Variants in KLHL32 observed in about 807,000 individuals in gnomAD.
The protein encoded by KLHL32 is kelch like family member 32.
Under a neutral mutation model 64.8 loss-of-function variants are expected in KLHL32, and 35 were observed. That is an observed-to-expected ratio of 0.54 (90% CI 0.41 to 0.72). The LOEUF is 0.72. KLHL32 is among the 30% of genes least tolerant of loss of function. The pLI is 0.00. For missense variants in KLHL32, 589 were observed against 768.5 expected (o/e 0.77, Z 2.76); for synonymous variants, 259 against 281.0 (o/e 0.92, Z 0.78).
At position 97,062,020 on chromosome 6, in the gene KLHL32, C is replaced by A. The variant is rs1329589639; in HGVS notation, c.313-2608C>A. Among the ~76,000 whole-genome samples, 181 of 152,066 alleles carry A rather than the reference C, an allele frequency of 1.2e-3. 2 individuals carry two copies. Among genetic ancestry groups the A allele is most frequent in the Non-Finnish European group, 1.0e-4 (7 of 67,990 alleles). The stretch of plus-strand genomic sequence containing the variant: ...TAAGAGCACTTAGAGATTTTCTGTG[C>A]TAAAGCATATTTTAGAAAAACTTAT... On this transcript the variant is annotated intron_variant, in intron 4 of 10. Transcript: ENST00000369261.
At chr6:97,114,604 A>G (rs1202170702) in intron 7 of KLHL32, 95 bp downstream of exon 7, 1 of 1,458,960 alleles carries the variant, frequency 6.9e-7, no homozygotes, top group African/African-American at 1.4e-5. Flanking sequence ...TGTGTAATTG[A>G]AAGATTGAAC....
intron 3 of KLHL32, among the ~76,000 whole-genome samples, chr6:97,038,013 A>T (rs970536194): frequency 1.3e-5 from 2 of 152,208 alleles, no homozygotes; most frequent in Non-Finnish European, 1.5e-5. Context: ...CATACACAAA[A>T]ATCAGATCCA....
intron 1 of KLHL32, among the ~76,000 whole-genome samples, chr6:96,940,640 A>G (rs5025221): frequency 0.22 from 33,502 of 152,134 alleles, 3,856 homozygotes; most frequent in Admixed American, 0.27. Context: ...AGCAGCCCCA[A>G]GAAGGCAGAG....
intron 5 of KLHL32, among the ~76,000 whole-genome samples, chr6:97,078,877 A>G (rs1251042379): frequency 1.3e-5 from 2 of 152,208 alleles, no homozygotes; most frequent in Non-Finnish European, 2.9e-5. Flanking sequence ...GCATGATTAA[A>G]CTGCAGTGTG....
chr6:96,908,967 C>A, the KLHL32 span, among the ~76,000 whole-genome samples: 4 of 152,084 alleles, frequency 2.6e-5, no homozygotes, highest in African/African-American at 9.7e-5. Context: ...ATGAACACTG[C>A]AGCAAAAAAG....
intron 4 of KLHL32, among the ~76,000 whole-genome samples, chr6:97,056,091 T>C (rs940176027): frequency 5.3e-5 from 7 of 131,586 alleles, no homozygotes; most frequent in Admixed American, 3.2e-4. Flanking sequence ...CTTTTCTTTT[T>C]TTTTCTTTTT....
At chr6:97,053,106 A>G (rs538791317) in intron 4 of KLHL32, among the ~76,000 whole-genome samples, 57 of 151,338 alleles carry the variant, frequency 3.8e-4, no homozygotes, top group African/African-American at 1.2e-3. Flanking sequence ...ACACACACGC[A>G]CACACATTCT....
intron 1 of KLHL32, among the ~76,000 whole-genome samples, chr6:96,951,432 C>A (rs1772576965): frequency 6.6e-6 from 1 of 152,094 alleles, no homozygotes; most frequent in Non-Finnish European, 1.5e-5. Context: ...TATGTTGTTT[C>A]TAGGTCTATT....
At chr6:97,031,847 T>C (rs1210510782) in intron 3 of KLHL32, among the ~76,000 whole-genome samples, 1 of 152,176 alleles carries the variant, frequency 6.6e-6, no homozygotes, top group Non-Finnish European at 1.5e-5. Flanking sequence ...TAGTCAGCAG[T>C]TGAGTGGAGG....
At chr6:96,967,394 A>C (rs961716502) in intron 2 of KLHL32, among the ~76,000 whole-genome samples, 1 of 152,102 alleles carries the variant, frequency 6.6e-6, no homozygotes, top group Admixed American at 6.6e-5. Flanking sequence ...TAAAAAAGGA[A>C]TCAAAAAACT....
chr6:97,140,404 G>C lies in KLHL32; in HGVS notation c.*1122G>C, dbSNP rs1800555504. 6.6e-6 allele frequency: 1 copy of C among 152,036 alleles called. No individual in the cohort carries two copies. Among genetic ancestry groups the C allele is most frequent in the African/African-American group, 2.4e-5 (1 of 41,428 alleles). The allele number at this position is 152,036 out of a possible 1,614,324, so 9.4% of individuals were successfully genotyped here. ...TTGTTAAAGGTTATGTCAATCTTGA[G>C]TGCTTGTGGAATTCTTCACCACCAA... On this transcript the variant is annotated 3_prime_UTR_variant, in exon 11 of 11. Transcript: ENST00000369261.
chr6:96,930,752 T>A (rs988971465), intron 1 of KLHL32, among the ~76,000 whole-genome samples: 1 of 152,124 alleles, frequency 6.6e-6, no homozygotes, highest in African/African-American at 2.4e-5. Flanking sequence ...TAGCTTGGAC[T>A]CAATGATGTC....
intron 10 of KLHL32, among the ~76,000 whole-genome samples, chr6:97,135,254 C>T (rs570754676): frequency 1.0e-3 from 158 of 151,062 alleles, no homozygotes; most frequent in African/African-American, 3.6e-3. Flanking sequence ...GCGTTTATTC[C>T]TTTGGCTGGC....
At chr6:97,077,710 C>A (rs1362842903) in intron 5 of KLHL32, among the ~76,000 whole-genome samples, 2 of 152,178 alleles carry the variant, frequency 1.3e-5, no homozygotes, top group African/African-American at 4.8e-5. Context: ...TTTTGCCCAA[C>A]TGTTAAGTTG....
At chr6:96,990,388 G>A (rs1341785409) in intron 3 of KLHL32, among the ~76,000 whole-genome samples, 1 of 152,162 alleles carries the variant, frequency 6.6e-6, no homozygotes, top group Non-Finnish European at 1.5e-5. Flanking sequence ...AGTTTGGGCT[G>A]TGATCCAGTA....
intron 4 of KLHL32, among the ~76,000 whole-genome samples, chr6:97,050,262 T>C (rs1428102494): frequency 6.6e-6 from 1 of 152,170 alleles, no homozygotes; most frequent in Non-Finnish European, 1.5e-5. Flanking sequence ...TTGGCAGAAA[T>C]AGAATGCGCA....
chr6:97,123,857 CAGGAATACTGCTGCAGGCA>C (rs1798618873), intron 7 of KLHL32, among the ~76,000 whole-genome samples: 1 of 152,166 alleles, frequency 6.6e-6, no homozygotes, highest in Non-Finnish European at 1.5e-5. Context: ...CTTTCAAAGC[CAGGAATACTGCTGCAGGCA>C]AGGGTACTCC....
intron 3 of KLHL32, among the ~76,000 whole-genome samples, chr6:96,980,504 AT>A (rs2128048827): frequency 6.6e-6 from 1 of 152,322 alleles, no homozygotes; most frequent in South Asian, 2.1e-4. Flanking sequence ...TATTTCAAGT[AT>A]AAAGCCTACT....
chr6:96,912,610 T>TATTTTATCCA, the KLHL32 span, among the ~76,000 whole-genome samples: 1 of 152,178 alleles, frequency 6.6e-6, no homozygotes, highest in Non-Finnish European at 1.5e-5. Flanking sequence ...GGGATAATAC[T>TATTTTATCCA]AATAATATTT....
Sources: gnomAD v4.1 joint callset for allele counts (sites outside exome capture counted in the v4.1 genomes callset) on GRCh38, gnomAD v4.1.1 for gene constraint, MANE v1.5 for transcripts, NCBI Gene and HGNC (gene_info 2026-07-23, HGNC 2026-07-21) for gene names.